The following MBNL1 variants were observed in gnomAD, a reference collection of about 807,000 sequenced individuals.
The protein encoded by MBNL1 is muscleblind-like protein 1.
MBNL1 carries 8 observed loss-of-function variants against 42.2 expected under a neutral mutation model. That is an observed-to-expected ratio of 0.19 (90% confidence interval 0.11 to 0.34). The LOEUF is 0.34. MBNL1 is among the 10% of genes least tolerant of loss of function. The pLI, the probability that MBNL1 is intolerant of heterozygous loss-of-function variation, is 1.00. For missense variants in MBNL1, 309 were observed against 495.3 expected, an observed-to-expected ratio of 0.62 and a Z score of 3.57; for synonymous variants, 169 against 173.9, an observed-to-expected ratio of 0.97 and a Z score of 0.22.
chr3:152,326,790 T>C (rs2080535020), intron 2 of MBNL1, among the ~76,000 whole-genome samples: 1 of 149,578 alleles, frequency 6.7e-6, no homozygotes, highest in South Asian at 2.1e-4. Flanking sequence ...TATTTATTTA[T>C]TTATTTATTT....
At chr3:152,325,931 G>C (rs2079710323) in intron 2 of MBNL1, among the ~76,000 whole-genome samples, 1 of 151,924 alleles carries the variant, frequency 6.6e-6, no homozygotes, top group African/African-American at 2.4e-5. Context: ...CATTTTGTAT[G>C]CATGTATCCG....
At chr3:152,459,867 C>CT (rs5853586) in intron 9 of MBNL1, among the ~76,000 whole-genome samples, 133 of 143,448 alleles carry the variant, frequency 9.3e-4, no homozygotes, top group East Asian at 1.4e-3. Context: ...TAGATTATCA[C>CT]TTTTTTTTTT....
intron 2 of MBNL1, among the ~76,000 whole-genome samples, chr3:152,316,845 C>T (rs1041844964): frequency 6.6e-6 from 1 of 151,994 alleles, no homozygotes; most frequent in Non-Finnish European, 1.5e-5. Flanking sequence ...CTTTTTCTTC[C>T]TCCTCTTCCT....
At chr3:152,320,793 A>G (rs2076037159) in intron 2 of MBNL1, among the ~76,000 whole-genome samples, 1 of 151,274 alleles carries the variant, frequency 6.6e-6, no homozygotes, top group Non-Finnish European at 1.5e-5. Flanking sequence ...GACTATTAGT[A>G]TAATTATTAT....
chr3:152,425,563 A>T (rs2098915703), intron 3 of MBNL1, among the ~76,000 whole-genome samples: 1 of 151,826 alleles, frequency 6.6e-6, no homozygotes, highest in African/African-American at 2.4e-5. Context: ...ACCCGAGATC[A>T]CGCCACTGCA....
At chr3:152,460,187 G>C (rs1580927684) in intron 9 of MBNL1, among the ~76,000 whole-genome samples, 1 of 151,786 alleles carries the variant, frequency 6.6e-6, no homozygotes, top group East Asian at 1.9e-4. Context: ...CCAGGAGGTT[G>C]AGGCTGCAAT....
intron 2 of MBNL1, among the ~76,000 whole-genome samples, chr3:152,317,212 ATG>A (rs1313346978): frequency 6.6e-6 from 1 of 152,180 alleles, no homozygotes; most frequent in African/African-American, 2.4e-5. Context: ...TGATAAAATA[ATG>A]TGTTAACTTT....
intron 4 of MBNL1, among the ~76,000 whole-genome samples, chr3:152,438,280 C>T (rs2099104907): frequency 1.3e-5 from 2 of 152,090 alleles, no homozygotes; most frequent in Admixed American, 1.3e-4. Context: ...CCTGTCTTAT[C>T]AATGACAATA....
In MBNL1 at chr3:152,464,903, T is replaced by G. The variant is rs1362480733; in HGVS notation, c.*2537T>G. 8 of 152,650 alleles carry G rather than the reference T, an allele frequency of 5.2e-5. No individual in the cohort carries two copies. The highest frequency in any genetic ancestry group is 1.2e-4 in the Non-Finnish European group (8 of 68,036). The allele number at this position is 152,650 out of a possible 1,614,324, so 9.5% of individuals were successfully genotyped here. The stretch of plus-strand genomic sequence containing the variant: ...CGTCTATAATTACAAGGAGTTTTGT[T>G]AAGGCTAATACAATGACAGACTGAG... On this transcript the variant is annotated 3_prime_UTR_variant, in exon 10 of 10. Coordinates refer to ENST00000324210, the MANE Select transcript of MBNL1 (RefSeq NM_021038.5).
intron 2 of MBNL1, among the ~76,000 whole-genome samples, chr3:152,413,400 G>T (rs370991687): frequency 3.3e-5 from 5 of 152,128 alleles, no homozygotes; most frequent in African/African-American, 1.2e-4. Flanking sequence ...AGCTCCTTAT[G>T]CAGTTCATGC....
At chr3:152,396,198 C>T (rs1344996202) in intron 2 of MBNL1, 3 of 364,722 alleles carry the variant, frequency 8.2e-6, no homozygotes, top group Non-Finnish European at 1.7e-5. Flanking sequence ...AAAACAAGCT[C>T]AGGGCTCCCA....
upstream of MBNL1, chr3:152,264,929 G>A (rs2036935153): frequency 6.6e-6 from 1 of 151,706 alleles, no homozygotes; most frequent in African/African-American, 2.4e-5. Flanking sequence ...TATATACATA[G>A]TATCTATTAG....
At chr3:152,444,424 A>G (rs1451057710) in intron 4 of MBNL1, among the ~76,000 whole-genome samples, 4 of 152,214 alleles carry the variant, frequency 2.6e-5, no homozygotes, top group African/African-American at 9.6e-5. Context: ...ATAGCTACCA[A>G]GTGAATCTCT....
chr3:152,255,365 A>G (rs1288604818), intron 2 of MBNL1, among the ~76,000 whole-genome samples: 3 of 152,138 alleles, frequency 2.0e-5, no homozygotes, highest in African/African-American at 7.2e-5. Context: ...TTGAGCCTTA[A>G]CTTAAAATAT....
At chr3:152,412,552 TAGG>T (rs1299021153) in intron 2 of MBNL1, among the ~76,000 whole-genome samples, 2 of 152,194 alleles carry the variant, frequency 1.3e-5, no homozygotes, top group African/African-American at 4.8e-5. Context: ...ATAAAAAATG[TAGG>T]AGAACAGCAT....
intron 1 of MBNL1, among the ~76,000 whole-genome samples, chr3:152,288,449 G>A (rs566919558): frequency 9.9e-5 from 15 of 152,076 alleles, no homozygotes; most frequent in Non-Finnish European, 1.6e-4. Context: ...GAGTTCTCTT[G>A]TACCTTAGCT....
intron 2 of MBNL1, among the ~76,000 whole-genome samples, chr3:152,411,802 T>G (rs991368426): frequency 7.9e-5 from 12 of 152,242 alleles, no homozygotes; most frequent in African/African-American, 2.7e-4. Context: ...TGCTTCTGTT[T>G]CCTTTTTTTC....
chr3:152,260,114 T>C (rs2036011624), intron 2 of MBNL1, among the ~76,000 whole-genome samples: 1 of 152,184 alleles, frequency 6.6e-6, no homozygotes, highest in Admixed American at 6.5e-5. Context: ...TATTGTAGAC[T>C]GGATAGGAAA....
chr3:152,344,059 A>G (rs980571201), intron 2 of MBNL1, among the ~76,000 whole-genome samples: 1 of 151,348 alleles, frequency 6.6e-6, no homozygotes. Context: ...GTAAAAGATG[A>G]CCTTTTTTTG....
Sources: gnomAD v4.1 joint callset for allele counts (sites outside exome capture counted in the v4.1 genomes callset) on GRCh38, gnomAD v4.1.1 for gene constraint, MANE v1.5 for transcripts, NCBI Gene and HGNC (gene_info 2026-07-23, HGNC 2026-07-21) for gene names.